The following CLEC1B variants were observed in gnomAD, a reference collection of about 807,000 sequenced individuals.
CLEC1B encodes C-type lectin domain family 1 member B.
A neutral mutation model predicts 26.7 loss-of-function variants in CLEC1B; 26 were observed. The observed-to-expected ratio is 0.97, with a 90% CI of 0.71 to 1.35. CLEC1B has a LOEUF of 1.35. CLEC1B is among the 40% of genes most tolerant of loss of function. The pLI, the probability that CLEC1B is intolerant of heterozygous loss-of-function variation, is 0.00. For missense variants in CLEC1B, 293 were observed against 282.6 expected (o/e 1.04, Z -0.26); for synonymous variants, 112 against 96.0 (o/e 1.17, Z -0.97).
At chr12:9,993,396 G>C in intron 5 of CLEC1B, 109 bp from the exon 6 acceptor site, 70 of 312,962 alleles carry the variant, frequency 2.2e-4, no homozygotes, top group Middle Eastern at 3.9e-4. Context: ...AGGAAAATAG[G>C]AAAAAAAAAC....
At chr12:9,995,599 T>C (rs1865024329) in intron 4 of CLEC1B, 1 of 342,322 alleles carries the variant, frequency 2.9e-6, no homozygotes, top group African/African-American at 2.2e-5. Flanking sequence ...TACAAAGAAA[T>C]ACATTGTTGA....
intron 5 of CLEC1B, among the ~76,000 whole-genome samples, chr12:9,994,209 A>G (rs1231617734): frequency 6.6e-6 from 1 of 152,134 alleles, no homozygotes; most frequent in Admixed American, 6.6e-5. Flanking sequence ...AGAAGAAAAT[A>G]GCAAGACAAA....
At position 9,993,086 on chromosome 12, in the gene CLEC1B, A is replaced by G. The variant is rs1864928432; in HGVS notation, c.*57T>C. 2.0e-6 allele frequency: 3 copies of G among 1,517,152 alleles called. No homozygotes were observed. Among genetic ancestry groups the G allele is most frequent in the African/African-American group, 2.8e-5 (2 of 72,260 alleles). The allele number at this position is 1,517,152 out of a possible 1,614,324, so 94.0% of individuals were successfully genotyped here. A position where few individuals can be genotyped will look rare whatever the true frequency, so the allele number is the denominator to read the frequency against. On this transcript the variant is annotated 3_prime_UTR_variant, in exon 6 of 6. Coordinates refer to ENST00000298527, the MANE Select transcript of CLEC1B (RefSeq NM_016509.4). Reference sequence around the variant, plus strand: ...TTTTCAGCTACTGATGCATTCATACATATCTTTTATTGTACAATAAAGCCC... The same window carrying G: ...TTTTCAGCTACTGATGCATTCATACGTATCTTTTATTGTACAATAAAGCCC...
At chr12:9,998,644 T>TTTTTG (rs71049030) in intron 1 of CLEC1B, among the ~76,000 whole-genome samples, 67,568 of 145,646 alleles carry the variant, frequency 0.46, 16,018 homozygotes, top group East Asian at 0.66. Context: ...GTGTTTGTAT[T>TTTTTG]TTTTGTTTTG....
rs771971567 is a variant in CLEC1B at position 9,997,166 on chromosome 12, T to G, written c.277A>C (p.Thr93Pro). The G allele has an allele frequency of 6.2e-7, 1 of 1,613,980 alleles. No homozygotes were observed. Reference sequence around the variant, plus strand: ...TTAAAAAAACAATACTTACTGAAAGTGCCCTTTAGTTCTGATTGTTTTACC... The same window carrying G: ...TTAAAAAAACAATACTTACTGAAAGGGCCCTTTAGTTCTGATTGTTTTACC... ...YVVKQSELKGTFKGHKCSPCD... is the reference protein window; with the variant it reads ...YVVKQSELKGPFKGHKCSPCD... Residue 93 changes from threonine to proline, a missense_variant, in exon 3 of 6, where the codon ACT (threonine) becomes CCT (proline). By Grantham distance (38) the Thr-to-Pro change is conservative. Coordinates refer to ENST00000298527, the MANE Select transcript of CLEC1B (RefSeq NM_016509.4).
At chr12:9,996,509 C>A in intron 4 of CLEC1B, among the ~76,000 whole-genome samples, 1 of 152,108 alleles carries the variant, frequency 6.6e-6, no homozygotes, top group Non-Finnish European at 1.5e-5. Flanking sequence ...TCTGAGTCCA[C>A]AGAAACAGTA....
chr12:10,001,390 C>G (rs137961085), upstream of CLEC1B, among the ~76,000 whole-genome samples: 28 of 152,326 alleles, frequency 1.8e-4, no homozygotes, highest in Middle Eastern at 3.4e-3. Context: ...TCTGGACTTT[C>G]CATTGCTTCA....
rs1439336582 is a variant in CLEC1B, at chr12:9,993,130, C to G, written c.*13G>C. 1 of 1,605,020 alleles carries G rather than the reference C, an allele frequency of 6.2e-7. No homozygotes were observed. Among genetic ancestry groups the G allele is most frequent in the Non-Finnish European group, 8.5e-7 (1 of 1,174,060 alleles). ...AAAGCCCTTATCTGTGTTATCCTGT[C>G]CACCTCTTTGCATTAAGGTAGTTGG... On this transcript the variant is annotated 3_prime_UTR_variant, in exon 6 of 6. Transcript: ENST00000298527.
At chr12:9,997,068 T>C in intron 3 of CLEC1B, 68 bp from the exon 4 acceptor site, 4 of 1,609,268 alleles carry the variant, frequency 2.5e-6, no homozygotes, top group Non-Finnish European at 3.4e-6. Context: ...TCACATTCAA[T>C]GTTTTCTGCA....
At chr12:9,999,124 G>C, upstream of CLEC1B, 1 of 1,552,128 alleles carries the variant, frequency 6.4e-7, no homozygotes. Context: ...CTGCAACTGA[G>C]CTCAGAGTTC....
upstream of CLEC1B, among the ~76,000 whole-genome samples, chr12:10,001,545 T>C (rs1327115938): frequency 6.6e-6 from 1 of 152,220 alleles, no homozygotes; most frequent in Non-Finnish European, 1.5e-5. Context: ...TTTGTGGTGT[T>C]AGAAGCAAGC....
chr12:9,998,957 A>G (rs1412452772), intron 1 of CLEC1B, 80 bp downstream of exon 1: 2 of 825,286 alleles, frequency 2.4e-6, no homozygotes, highest in Admixed American at 4.1e-5. Context: ...TATATATATT[A>G]TCAATAGTAG....
intron 2 of CLEC1B, 128 bp from the exon 3 acceptor site, chr12:9,997,407 A>G: frequency 2.5e-6 from 2 of 787,684 alleles, no homozygotes; most frequent in South Asian, 3.9e-5. Context: ...ACACATGATT[A>G]AATGAATGTT....
At chr12:10,000,591 G>C (rs4764181), upstream of CLEC1B, among the ~76,000 whole-genome samples, 77,327 of 152,024 alleles carry the variant, frequency 0.51, 20,091 homozygotes, top group Non-Finnish European at 0.54. Context: ...TTTTGTTGCT[G>C]TGTTTCTTAT....
chr12:9,996,743 T>G (rs1461463420), intron 4 of CLEC1B, 103 bp downstream of exon 4: 1 of 1,188,624 alleles, frequency 8.4e-7, no homozygotes, highest in Middle Eastern at 1.9e-4. Context: ...TAGTACAAAC[T>G]GAAAGATGTT....
rs778739205 is a variant in CLEC1B, at chr12:9,995,174, T to G, written c.511A>C (p.Lys171Gln). 10 of 1,613,016 alleles carry G rather than the reference T, an allele frequency of 6.2e-6. No homozygotes were observed. The highest frequency in any genetic ancestry group is 1.3e-5 in the African/African-American group (1 of 74,852). The change falls in exon 5 of 6, where the codon AAG becomes CAG. Residue 171 changes from lysine to glutamine, a missense_variant. By Grantham distance (53) the Lys-to-Gln change is moderately conservative. Coordinates refer to ENST00000298527, the MANE Select transcript of CLEC1B (RefSeq NM_016509.4). ...GAGATAACCGAGCCATCCTCCCACT[T>G]CCAGACCTCATTCGACTTCTGGCGA... Reference protein sequence around the residue: ...LSRQKSNEVWKWEDGSVISEN... With the variant: ...LSRQKSNEVWQWEDGSVISEN...
rs373622374 is a variant in CLEC1B at position 9,999,039 on chromosome 12, G to T, written c.62C>A (p.Ser21Tyr). 5.1e-6 allele frequency: 8 copies of T among 1,582,142 alleles called. No individual in the cohort carries two copies. In the South Asian group the frequency reaches 9.0e-5, roughly 18 times the overall value. Residue 21 changes from serine to tyrosine, a missense_variant and splice_region_variant, in exon 1 of 6, where the codon TCC (serine) becomes TAC (tyrosine). Ser to Tyr is a moderately radical substitution (Grantham distance 144, BLOSUM62 -2). Coordinates refer to ENST00000298527, the MANE Select transcript of CLEC1B (RefSeq NM_016509.4). ...TTATTGGCTCTGAGCATTCTTACCG[G>T]AGATGAGAGCTGGTTTCCGAGTTTT... is the stretch of plus-strand genomic sequence containing the variant. Reference protein sequence around the residue: ...NIKTRKPALISVGSASSSWWR... With the variant: ...NIKTRKPALIYVGSASSSWWR...
intron 4 of CLEC1B, among the ~76,000 whole-genome samples, chr12:9,996,517 G>A (rs4764177): frequency 0.26 from 38,107 of 149,214 alleles, 5,600 homozygotes; most frequent in Non-Finnish European, 0.32. Context: ...CACAGAAACA[G>A]TAAGTGGACA....
At chr12:10,001,568 G>C (rs61918585), upstream of CLEC1B, among the ~76,000 whole-genome samples, 332 of 152,310 alleles carry the variant, frequency 2.2e-3, 1 homozygote, top group Non-Finnish European at 4.0e-3. Flanking sequence ...AGCGAAGACA[G>C]AGACTCTCAG....
Sources: gnomAD v4.1 joint callset for allele counts (sites outside exome capture counted in the v4.1 genomes callset) on GRCh38, gnomAD v4.1.1 for gene constraint, MANE v1.5 for transcripts, NCBI Gene and HGNC (gene_info 2026-07-23, HGNC 2026-07-21) for gene names.